KCNT2: variants seen among roughly 807,000 people sequenced by gnomAD.
KCNT2 encodes potassium channel subfamily T member 2.
Under a neutral mutation model 153.8 loss-of-function variants are expected in KCNT2, and 67 were observed. That is an observed-to-expected ratio of 0.44 (90% CI 0.36 to 0.53). The LOEUF (loss-of-function observed/expected upper bound fraction) is 0.53. Among genes scored for constraint, KCNT2 ranks in the 20% least tolerant of loss-of-function variants. The pLI is 0.00. For missense variants in KCNT2, 975 were observed against 1,354.8 expected (o/e 0.72, Z 4.40); for synonymous variants, 500 against 458.8 (o/e 1.09, Z -1.15).
chr1:196,337,745 T>G (rs1490486101), intron 16 of KCNT2, among the ~76,000 whole-genome samples: 1 of 152,138 alleles, frequency 6.6e-6, no homozygotes, highest in Admixed American at 6.6e-5. Flanking sequence ...TACTAAGCAC[T>G]TCATTTAAAA....
At chr1:196,238,055 A>G (rs1413881585) in intron 26 of KCNT2, among the ~76,000 whole-genome samples, 2 of 151,986 alleles carry the variant, frequency 1.3e-5, no homozygotes, top group African/African-American at 4.8e-5. Flanking sequence ...GGACTAGAAA[A>G]TCTACATCTT....
At chr1:196,435,154 T>TA (rs1199259483) in intron 8 of KCNT2, among the ~76,000 whole-genome samples, 2 of 110,562 alleles carry the variant, frequency 1.8e-5, no homozygotes, top group African/African-American at 6.1e-5. Context: ...TATATATATA[T>TA]ATATATATAT....
chr1:196,435,098 T>A (rs1292479237), intron 8 of KCNT2, among the ~76,000 whole-genome samples: 3 of 145,366 alleles, frequency 2.1e-5, no homozygotes, highest in Non-Finnish European at 4.5e-5. Context: ...TTTAGGGGTG[T>A]TTTGCTATTT....
chr1:196,293,346 C>G (rs1042569993), intron 22 of KCNT2, among the ~76,000 whole-genome samples: 18 of 151,842 alleles, frequency 1.2e-4, no homozygotes, highest in African/African-American at 4.1e-4. Context: ...CAAAACAAAA[C>G]AAAACAAAAG....
chr1:196,371,182 G>A (rs1408663005), intron 14 of KCNT2, among the ~76,000 whole-genome samples: 2 of 124,486 alleles, frequency 1.6e-5, no homozygotes, highest in African/African-American at 3.2e-5. Flanking sequence ...CCAGGAGTTC[G>A]AGACTAGCCT....
intron 1 of KCNT2, among the ~76,000 whole-genome samples, chr1:196,578,370 G>A (rs922851465): frequency 3.3e-5 from 5 of 152,084 alleles, no homozygotes; most frequent in Admixed American, 6.6e-5. Flanking sequence ...CCTTGAACGC[G>A]GAGAAAGGAT....
At chr1:196,276,456 A>AAGTCTATAGAT (rs1377474743) in intron 25 of KCNT2, among the ~76,000 whole-genome samples, 89 of 152,168 alleles carry the variant, frequency 5.8e-4, no homozygotes, top group Admixed American at 2.6e-3. Context: ...ATGCATCAGG[A>AAGTCTATAGAT]TTAATCTTCC....
At chr1:196,234,357 T>C (rs186309090) in intron 27 of KCNT2, among the ~76,000 whole-genome samples, 1 of 151,388 alleles carries the variant, frequency 6.6e-6, no homozygotes, top group Non-Finnish European at 1.5e-5. Context: ...TTTTTTTTAT[T>C]TTTGTAATCA....
intron 26 of KCNT2, among the ~76,000 whole-genome samples, chr1:196,256,749 A>G (rs1656548650): frequency 6.7e-6 from 1 of 150,284 alleles, no homozygotes; most frequent in African/African-American, 2.5e-5. Context: ...TCTGTTATAT[A>G]TATAAAAAAC....
chr1:196,312,713 C>T (rs1662309857), intron 21 of KCNT2, among the ~76,000 whole-genome samples: 2 of 151,742 alleles, frequency 1.3e-5, no homozygotes, highest in South Asian at 4.1e-4. Flanking sequence ...TAGAAATTGG[C>T]TCTTGATTGA....
chr1:196,530,170 G>A (rs1297977149), intron 1 of KCNT2, among the ~76,000 whole-genome samples: 1 of 151,816 alleles, frequency 6.6e-6, no homozygotes, highest in Admixed American at 6.6e-5. Context: ...ATATATATAT[G>A]TATAAATTCA....
At chr1:196,589,341 G>A (rs114725290) in intron 1 of KCNT2, among the ~76,000 whole-genome samples, 8,741 of 151,900 alleles carry the variant, frequency 0.058, 391 homozygotes, top group Non-Finnish European at 0.085. Flanking sequence ...ACATTAAAAT[G>A]TACCAACTTT....
intron 1 of KCNT2, among the ~76,000 whole-genome samples, chr1:196,602,995 C>A (rs1198089217): frequency 1.3e-5 from 2 of 150,892 alleles, no homozygotes; most frequent in Non-Finnish European, 3.0e-5. Context: ...ACCTTGTTAG[C>A]CAGGATGGTC....
At chr1:196,321,576 T>C (rs1408980113) in intron 19 of KCNT2, among the ~76,000 whole-genome samples, 1 of 151,954 alleles carries the variant, frequency 6.6e-6, no homozygotes, top group Non-Finnish European at 1.5e-5. Context: ...ATGTGCCAAA[T>C]CCTTGGAAAT....
chr1:196,258,206 T>C lies in KCNT2; in HGVS notation c.3199A>G (p.Thr1067Ala), dbSNP rs147105611. 2.7e-5 allele frequency: 44 copies of C among 1,613,706 alleles called. No homozygotes were observed. Among genetic ancestry groups the C allele is most frequent in the Non-Finnish European group, 3.7e-5 (44 of 1,179,786 alleles). The change falls in exon 26 of 28, where the codon ACA becomes GCA. Residue 1067 changes from threonine (T) to alanine (A), a missense_variant. Around this residue, in one of 6 missense-constraint regions of KCNT2, gnomAD observed 241 missense variants for 271.1 expected, o/e 0.89. Coordinates refer to ENST00000294725, the MANE Select transcript of KCNT2 (RefSeq NM_198503.5). ...TTAAAGAGCATACCATATCCCACTG[T>C]AGAAAGACCCAAGTGTTTCATTCTA... ...KNRMKHLGLS[T>A]VGYDEMNDHQ...
chr1:196,526,015 CTGTGTGTGTGTGT>C (rs1654138304), intron 1 of KCNT2, among the ~76,000 whole-genome samples: 2 of 140,066 alleles, frequency 1.4e-5, no homozygotes, highest in African/African-American at 2.6e-5. Flanking sequence ...AGAACTGACT[CTGTGTGTGTGTGT>C]GTGTGTGTGT....
At chr1:196,329,436 T>G (rs1664219898) in intron 18 of KCNT2, among the ~76,000 whole-genome samples, 1 of 152,088 alleles carries the variant, frequency 6.6e-6, no homozygotes, top group Non-Finnish European at 1.5e-5. Context: ...AATCCTGTTC[T>G]CTGAAAGTTT....
intron 8 of KCNT2, among the ~76,000 whole-genome samples, chr1:196,464,957 T>A (rs1192879498): frequency 6.6e-6 from 1 of 151,908 alleles, no homozygotes; most frequent in Non-Finnish European, 1.5e-5. Context: ...TGTAGAAAGA[T>A]GAGGGCACTT....
At chr1:196,398,508 G>GC (rs1671139615) in intron 13 of KCNT2, 55 bp downstream of exon 13, 2 of 897,852 alleles carry the variant, frequency 2.2e-6, no homozygotes, top group Non-Finnish European at 3.6e-6. Flanking sequence ...TAACCCTTAA[G>GC]CCACTATAGG....
Sources: allele counts gnomAD v4.1 joint callset (sites outside exome capture counted in the v4.1 genomes callset), GRCh38; gene constraint gnomAD v4.1.1; regional missense constraint gnomAD v4.1.1; transcripts MANE v1.5; gene names NCBI Gene and HGNC (gene_info 2026-07-23, HGNC 2026-07-21).